C1GALT1: variants seen among roughly 807,000 people sequenced by gnomAD.
C1GALT1 encodes core 1 synthase, glycoprotein-N-acetylgalactosamine 3-beta-galactosyltransferase 1, also known as glycoprotein-N-acetylgalactosamine 3-beta-galactosyltransferase 1.
In C1GALT1, 11 loss-of-function variants were observed where a neutral mutation model predicts 31.0. The observed-to-expected ratio is 0.36, with a 90% CI of 0.22 to 0.59. The LOEUF (loss-of-function observed/expected upper bound fraction) is 0.59, where lower values mean the gene tolerates loss of function less well. C1GALT1 is among the 20% of genes least tolerant of loss of function. The pLI, the probability that C1GALT1 is intolerant of heterozygous loss-of-function variation, is 0.79. For synonymous variants in C1GALT1, 175 were observed against 143.6 expected, an observed-to-expected ratio of 1.22 and a Z score of -1.56; for missense variants, 424 against 425.2, an observed-to-expected ratio of 1.00 and a Z score of 0.03.
At chr7:7,224,301 G>T (rs969563964) in intron 1 of C1GALT1, among the ~76,000 whole-genome samples, 1 of 151,330 alleles carries the variant, frequency 6.6e-6, no homozygotes, top group Non-Finnish European at 1.5e-5. Flanking sequence ...TTGGATTTTG[G>T]TATCAGGGTA....
chr7:7,164,066 A>G (rs1177901535), intron 2 of C1GALT1, among the ~76,000 whole-genome samples: 2 of 152,190 alleles, frequency 1.3e-5, no homozygotes, highest in African/African-American at 4.8e-5. Context: ...ACTTCAAACT[A>G]TACTACAAGG....
At chr7:7,158,695 T>C (rs1444707380) in intron 2 of C1GALT1, among the ~76,000 whole-genome samples, 2 of 151,698 alleles carry the variant, frequency 1.3e-5, no homozygotes, top group African/African-American at 4.8e-5. Flanking sequence ...CATCTATAAT[T>C]TTATAAAAGC....
chr7:7,226,452 C>T (rs1036823707), intron 1 of C1GALT1, among the ~76,000 whole-genome samples: 1 of 151,936 alleles, frequency 6.6e-6, no homozygotes, highest in Non-Finnish European at 1.5e-5. Context: ...AGAAGACGTG[C>T]GCTCATGGTA....
At chr7:7,231,020 C>G (rs941929579) in intron 1 of C1GALT1, among the ~76,000 whole-genome samples, 1 of 152,022 alleles carries the variant, frequency 6.6e-6, no homozygotes, top group African/African-American at 2.4e-5. Context: ...AATTCTTTTC[C>G]TTCTGCCTGA....
At chr7:7,187,256 T>G (rs1780858107) in intron 1 of C1GALT1, among the ~76,000 whole-genome samples, 1 of 149,872 alleles carries the variant, frequency 6.7e-6, no homozygotes, top group Admixed American at 6.6e-5. Flanking sequence ...TTCCTGAGAT[T>G]TTTTTTTTTT....
intron 1 of C1GALT1, among the ~76,000 whole-genome samples, chr7:7,206,394 C>T (rs961661339): frequency 1.3e-5 from 2 of 152,000 alleles, no homozygotes; most frequent in African/African-American, 4.8e-5. Context: ...TAAACTCTCT[C>T]AGCTTTTTAC....
intron 2 of C1GALT1, among the ~76,000 whole-genome samples, chr7:7,168,192 T>C (rs1336095553): frequency 7.9e-5 from 12 of 152,026 alleles, no homozygotes; most frequent in Non-Finnish European, 1.5e-4. Context: ...ATGACAGAAA[T>C]TGGAAATTTA....
intron 1 of C1GALT1, chr7:7,183,544 T>G (rs1780684459): frequency 1.0e-6 from 1 of 984,608 alleles, no homozygotes; most frequent in Non-Finnish European, 1.2e-6. Context: ...CCCAACAAAT[T>G]GTGATGGAAT....
chr7:7,223,195 G>A (rs1782591117), intron 1 of C1GALT1, among the ~76,000 whole-genome samples: 2 of 152,102 alleles, frequency 1.3e-5, no homozygotes, highest in Non-Finnish European at 1.5e-5. Context: ...GTCTTGCTCT[G>A]TCACCCAGGC....
chr7:7,162,586 G>A (rs1780346542), intron 2 of C1GALT1, among the ~76,000 whole-genome samples: 1 of 151,992 alleles, frequency 6.6e-6, no homozygotes, highest in Non-Finnish European at 1.5e-5. Context: ...ACATGTGCAT[G>A]TGTCTTTATA....
chr7:7,159,909 A>G lies in C1GALT1; in HGVS notation c.-18+2483A>G, dbSNP rs202231388. On this transcript the variant is annotated intron_variant, in intron 2 of 3. Transcript: ENST00000429911. ...AAAGGGAACTGGCCTTTCAGCTATC[A>G]GCTCCGAGCTTGGTAAACTGGAGCA... Among the ~76,000 whole-genome samples, 6 of 152,182 alleles carry G rather than the reference A, an allele frequency of 3.9e-5. No homozygotes were observed. In the East Asian group the frequency reaches 1.2e-3, roughly 29 times the overall value.
chr7:7,212,992 G>A (rs111510282), intron 1 of C1GALT1, among the ~76,000 whole-genome samples: 6,229 of 152,222 alleles, frequency 0.041, 289 homozygotes, highest in African/African-American at 0.12. Context: ...AAATAGTTTA[G>A]AATAAGTTTC....
chr7:7,212,396 C>T (rs531115608), intron 1 of C1GALT1, among the ~76,000 whole-genome samples: 1 of 152,234 alleles, frequency 6.6e-6, no homozygotes, highest in East Asian at 1.9e-4. Context: ...ACCAGTTTTT[C>T]CAATTGTGTC....
At chr7:7,218,828 G>A (rs938767761) in intron 1 of C1GALT1, among the ~76,000 whole-genome samples, 1 of 150,284 alleles carries the variant, frequency 6.7e-6, no homozygotes. Context: ...ATCTCAAACC[G>A]TGTTTCTATT....
chr7:7,179,346 A>T (rs1379383434), upstream of C1GALT1, among the ~76,000 whole-genome samples: 2 of 152,230 alleles, frequency 1.3e-5, no homozygotes, highest in Non-Finnish European at 2.9e-5. Flanking sequence ...AGAAGTATCA[A>T]ATAATTTGTG....
At chr7:7,161,729 A>G (rs77581258) in intron 2 of C1GALT1, among the ~76,000 whole-genome samples, 1 of 152,168 alleles carries the variant, frequency 6.6e-6, no homozygotes, top group Non-Finnish European at 1.5e-5. Flanking sequence ...AATACTTCAT[A>G]CTCTATCAGA....
intron 1 of C1GALT1, among the ~76,000 whole-genome samples, chr7:7,200,137 G>T (rs1781473967): frequency 6.6e-6 from 1 of 152,156 alleles, no homozygotes; most frequent in Non-Finnish European, 1.5e-5. Flanking sequence ...TCCTAGCAGC[G>T]ATGGTCTTTA....
intron 1 of C1GALT1, among the ~76,000 whole-genome samples, chr7:7,212,204 C>T (rs1388066425): frequency 2.0e-5 from 3 of 152,152 alleles, no homozygotes; most frequent in Non-Finnish European, 4.4e-5. Flanking sequence ...CCAAGAAACT[C>T]GGAGCTTCCA....
In C1GALT1 at chr7:7,158,853, T is replaced by C. The variant is rs571464634; in HGVS notation, c.-18+1427T>C. Among the ~76,000 whole-genome samples the C allele has an allele frequency of 6.6e-5, 10 of 152,218 alleles. No homozygotes were observed. In the South Asian group the frequency reaches 1.7e-3, roughly 25 times the overall value. On this transcript the variant is annotated intron_variant, in intron 2 of 3. Coordinates refer to the C1GALT1 transcript ENST00000429911. ...CTACCCAAACACACAAAATGGCTGT[T>C]AGACGGCCTATTGATTTTCTTAATG...
Sources: gnomAD v4.1 joint callset for allele counts (sites outside exome capture counted in the v4.1 genomes callset) on GRCh38, gnomAD v4.1.1 for gene constraint, MANE v1.5 for transcripts, NCBI Gene and HGNC (gene_info 2026-07-23, HGNC 2026-07-21) for gene names.